Variants in AFG1L observed in about 807,000 individuals in gnomAD.
AFG1L encodes the protein AFG1 like ATPase.
Under a neutral mutation model 62.2 loss-of-function variants are expected in AFG1L, and 53 were observed. That is an observed-to-expected ratio of 0.85 (90% CI 0.68 to 1.07). AFG1L has a LOEUF of 1.07. Ranked by LOEUF, AFG1L falls within the 50% of genes least tolerant of loss-of-function variation. AFG1L has a pLI of 0.00. For missense variants in AFG1L, 555 were observed against 590.5 expected (o/e 0.94, Z 0.62); for synonymous variants, 228 against 210.3 (o/e 1.08, Z -0.73).
chr6:108,405,334 A>G (rs1037553493), intron 7 of AFG1L, among the ~76,000 whole-genome samples: 3 of 152,204 alleles, frequency 2.0e-5, no homozygotes, highest in African/African-American at 7.2e-5. Context: ...CAAAATATAC[A>G]TAACAAAAAT....
chr6:108,476,885 A>C lies in AFG1L; in HGVS notation c.911A>C (p.Glu304Ala), dbSNP rs1322885380. Residue 304 changes from glutamate (E) to alanine (A), a missense_variant, in exon 9 of 13, where the codon GAG becomes GCG. Glu to Ala is a moderately radical substitution (Grantham distance 107). Transcript: ENST00000368977. ...TGTAGCACAAGTGAAGCTGATGTGG[A>C]GGCTGTCATGGATAAGTTGTTTGAT... ...LYYLTSEADV[E>A]AVMDKLFDEL... 6.2e-7 allele frequency: 1 copy of C among 1,613,664 alleles called. No individual in the cohort carries two copies. Among genetic ancestry groups the C allele is most frequent in the East Asian group, 2.2e-5 (1 of 44,858 alleles).
chr6:108,309,378 ACT>A (rs1380896489), intron 1 of AFG1L, among the ~76,000 whole-genome samples: 4 of 151,768 alleles, frequency 2.6e-5, no homozygotes, highest in Non-Finnish European at 5.9e-5. Context: ...TACTGTCCTA[ACT>A]CTGTAGCTTT....
intron 10 of AFG1L, among the ~76,000 whole-genome samples, chr6:108,487,014 C>T (rs1773598362): frequency 6.6e-6 from 1 of 152,178 alleles, no homozygotes; most frequent in African/African-American, 2.4e-5. Flanking sequence ...CAGTCAGCAA[C>T]TATTTCTTAA....
rs868820160 is a variant in AFG1L at position 108,498,692 on chromosome 6, C to T, written c.1063-11520C>T. ...CTTACAAATATATTTTGAAATATATCGGCCAGGCACGGTGGTTCATGCCTG... is the reference window on the plus strand; with the variant it reads ...CTTACAAATATATTTTGAAATATATTGGCCAGGCACGGTGGTTCATGCCTG... On this transcript the variant is annotated intron_variant, in intron 10 of 12. Coordinates refer to ENST00000368977, the MANE Select transcript of AFG1L (RefSeq NM_145315.5). Among the ~76,000 whole-genome samples, 10 of 152,238 alleles carry T rather than the reference C, an allele frequency of 6.6e-5. No individual in the cohort carries two copies. In the Middle Eastern group the frequency reaches 0.014, roughly 207 times the overall value.
At chr6:108,382,697 GA>G (rs1316557989) in intron 6 of AFG1L, among the ~76,000 whole-genome samples, 12 of 152,158 alleles carry the variant, frequency 7.9e-5, no homozygotes, top group Non-Finnish European at 1.5e-4. Flanking sequence ...GGAAACTATG[GA>G]GGCATTTCTG....
At chr6:108,342,454 A>G (rs1325199115) in intron 2 of AFG1L, among the ~76,000 whole-genome samples, 1 of 152,206 alleles carries the variant, frequency 6.6e-6, no homozygotes, top group Admixed American at 6.5e-5. Flanking sequence ...GTAAATTAGG[A>G]GCATGCAAAT....
intron 7 of AFG1L, among the ~76,000 whole-genome samples, chr6:108,422,084 C>T (rs1770616885): frequency 6.6e-6 from 1 of 151,828 alleles, no homozygotes; most frequent in Non-Finnish European, 1.5e-5. Context: ...TGAAATTATA[C>T]AAAGTAAAAT....
intron 1 of AFG1L, among the ~76,000 whole-genome samples, chr6:108,317,180 T>C (rs1441111356): frequency 6.6e-6 from 1 of 152,242 alleles, no homozygotes; most frequent in Non-Finnish European, 1.5e-5. Context: ...ACCTGTTTAC[T>C]GCACAGGCAA....
At chr6:108,354,570 G>A (rs936077413) in intron 3 of AFG1L, among the ~76,000 whole-genome samples, 2 of 152,100 alleles carry the variant, frequency 1.3e-5, no homozygotes, top group African/African-American at 4.8e-5. Flanking sequence ...CTCCCAAAGT[G>A]CTGGGATTAC....
At chr6:108,384,500 C>T (rs550472322) in intron 6 of AFG1L, among the ~76,000 whole-genome samples, 1 of 152,316 alleles carries the variant, frequency 6.6e-6, no homozygotes, top group Admixed American at 6.5e-5. Flanking sequence ...AAAATATCAA[C>T]ATTCTTCAGT....
At position 108,402,072 on chromosome 6, in the gene AFG1L, A is replaced by G; in HGVS notation, c.807+18A>G. The stretch of plus-strand genomic sequence containing the variant: ...TCTTGAAGGTAAAAACAAATCATTT[A>G]TTTGTGTTTACTAAGATCATACTTA... On this transcript the variant is annotated intron_variant, in intron 7 of 12. Coordinates refer to ENST00000368977, the MANE Select transcript of AFG1L (RefSeq NM_145315.5). The G allele has an allele frequency of 7.3e-7, 1 of 1,360,762 alleles. No individual in the cohort carries two copies. Among genetic ancestry groups the G allele is most frequent in the East Asian group, 2.6e-5 (1 of 39,106 alleles). The allele number at this position is 1,360,762 out of a possible 1,614,324, so 84.3% of individuals were successfully genotyped here.
At chr6:108,503,233 C>T (rs1048848676) in intron 10 of AFG1L, among the ~76,000 whole-genome samples, 3 of 152,126 alleles carry the variant, frequency 2.0e-5, no homozygotes, top group Non-Finnish European at 4.4e-5. Context: ...AAATCATTTC[C>T]GGAAAGTTTT....
At chr6:108,329,082 CCCTT>C (rs532147611) in intron 2 of AFG1L, among the ~76,000 whole-genome samples, 9 of 139,858 alleles carry the variant, frequency 6.4e-5, no homozygotes, top group Non-Finnish European at 1.1e-4. Context: ...CTCCCTCCTT[CCCTT>C]CCTTCCTTCC....
chr6:108,482,337 ACCT>A (rs1482350032), intron 10 of AFG1L, among the ~76,000 whole-genome samples: 2 of 152,090 alleles, frequency 1.3e-5, no homozygotes, highest in African/African-American at 4.8e-5. Context: ...TTTAAAAATG[ACCT>A]CCTTTCAAGT....
chr6:108,454,747 G>A (rs1464979134), intron 8 of AFG1L, among the ~76,000 whole-genome samples: 2 of 152,152 alleles, frequency 1.3e-5, no homozygotes, highest in Non-Finnish European at 2.9e-5. Context: ...CCGCCTCCCA[G>A]GTTCGAGCAA....
intron 11 of AFG1L, among the ~76,000 whole-genome samples, chr6:108,518,263 A>C (rs991908642): frequency 7.9e-5 from 12 of 152,208 alleles, no homozygotes; most frequent in Non-Finnish European, 1.8e-4. Context: ...CAAATGTCCA[A>C]CAATGATAGA....
At chr6:108,343,370 A>G (rs1461611428) in intron 2 of AFG1L, among the ~76,000 whole-genome samples, 1 of 151,414 alleles carries the variant, frequency 6.6e-6, no homozygotes, top group East Asian at 1.9e-4. Flanking sequence ...TTTTTTTAGC[A>G]GCATTCAGCT....
At chr6:108,297,365 C>G (rs186493409) in intron 1 of AFG1L, among the ~76,000 whole-genome samples, 1 of 152,136 alleles carries the variant, frequency 6.6e-6, no homozygotes, top group East Asian at 1.9e-4. Context: ...CCTCGGCCCC[C>G]CAAAATGCTG....
intron 7 of AFG1L, among the ~76,000 whole-genome samples, chr6:108,423,403 T>G (rs571062695): frequency 6.6e-6 from 1 of 152,216 alleles, no homozygotes; most frequent in African/African-American, 2.4e-5. Context: ...CTTTTAAGTC[T>G]GCTGTTTCAA....
Sources: allele counts gnomAD v4.1 joint callset (sites outside exome capture counted in the v4.1 genomes callset), GRCh38; gene constraint gnomAD v4.1.1; transcripts MANE v1.5; gene names NCBI Gene and HGNC (gene_info 2026-07-23, HGNC 2026-07-21).